YWHAE: variants seen among roughly 807,000 people sequenced by gnomAD.
The protein encoded by YWHAE is 14-3-3 protein epsilon.
In YWHAE, 4 loss-of-function variants were observed where a neutral mutation model predicts 30.1. The observed-to-expected ratio is 0.13, with a 90% CI of 0.07 to 0.30. The LOEUF (loss-of-function observed/expected upper bound fraction) is 0.30. YWHAE is among the 10% of genes least tolerant of loss of function. The pLI is 1.00. For synonymous variants in YWHAE, 118 were observed against 111.8 expected (o/e 1.06, Z -0.35); for missense variants, 121 against 315.9 (o/e 0.38, Z 4.68).
chr17:1,355,991 AC>A (rs2072734132), intron 4 of YWHAE, among the ~76,000 whole-genome samples: 1 of 152,132 alleles, frequency 6.6e-6, no homozygotes, highest in African/African-American at 2.4e-5. Context: ...ACACAGTGAA[AC>A]CCCGTCTCTA....
intron 4 of YWHAE, among the ~76,000 whole-genome samples, chr17:1,355,656 T>A (rs1224182130): frequency 1.3e-5 from 2 of 151,974 alleles, no homozygotes; most frequent in East Asian, 3.9e-4. Flanking sequence ...CGATACGATA[T>A]ACCAATAGAA....
intron 1 of YWHAE, among the ~76,000 whole-genome samples, chr17:1,380,111 C>CTTT (rs34413137): frequency 3.3e-5 from 4 of 121,890 alleles, no homozygotes; most frequent in Admixed American, 8.7e-5. Context: ...GAAGACTAGA[C>CTTT]TTTTTTTTTT....
Position 1,385,788 on chromosome 17 carries a change from C to T in YWHAE, c.64+14259G>A, listed in dbSNP as rs141031347. On this transcript the variant is annotated intron_variant, in intron 1 of 5. Coordinates refer to ENST00000264335, the MANE Select transcript of YWHAE (RefSeq NM_006761.5). The stretch of plus-strand genomic sequence containing the variant: ...TCTTCTTCATACATTAAAGACAACA[C>T]TATTCAGAGAGAAGCTGAGCCAAAA... 2.1e-3 allele frequency among the ~76,000 whole-genome samples: 323 copies of T among 152,224 alleles called. 1 individual carries two copies. The highest frequency in any genetic ancestry group is 7.3e-3 in the African/African-American group (305 of 41,532).
At chr17:1,364,389 G>C (rs1338356108) in intron 2 of YWHAE, among the ~76,000 whole-genome samples, 1 of 152,046 alleles carries the variant, frequency 6.6e-6, no homozygotes, top group Admixed American at 6.6e-5. Flanking sequence ...ACCACGCCCA[G>C]CTAATGTTTT....
At chr17:1,345,643 C>T in intron 5 of YWHAE, 144 bp from the exon 6 acceptor site, 2 of 777,594 alleles carry the variant, frequency 2.6e-6, no homozygotes, top group Non-Finnish European at 4.2e-6. Flanking sequence ...TTCTATCATC[C>T]TTGACACCTG....
chr17:1,355,214 T>C (rs1467360441), intron 4 of YWHAE, among the ~76,000 whole-genome samples: 2 of 117,298 alleles, frequency 1.7e-5, no homozygotes, highest in African/African-American at 6.7e-5. Context: ...TGGAGTGCAG[T>C]GGCGGGATGT....
chr17:1,370,167 A>ATGG (rs1555642577), intron 1 of YWHAE, among the ~76,000 whole-genome samples: 3 of 119,926 alleles, frequency 2.5e-5, no homozygotes, highest in Non-Finnish European at 4.7e-5. Context: ...TCGCTCTGTC[A>ATGG]CCAGGCTGGA....
At chr17:1,375,120 A>C (rs1027449322) in intron 1 of YWHAE, among the ~76,000 whole-genome samples, 1 of 152,144 alleles carries the variant, frequency 6.6e-6, no homozygotes, top group Non-Finnish European at 1.5e-5. Flanking sequence ...TCAACTTCTC[A>C]ATCTCTCCAA....
chr17:1,347,409 G>A (rs1021649586), intron 5 of YWHAE, among the ~76,000 whole-genome samples: 1 of 151,696 alleles, frequency 6.6e-6, no homozygotes, highest in African/African-American at 2.4e-5. Flanking sequence ...CTGAGGTGGG[G>A]GAGTTCTATT....
At chr17:1,368,609 CATT>C (rs1263371111) in intron 1 of YWHAE, among the ~76,000 whole-genome samples, 1 of 151,420 alleles carries the variant, frequency 6.6e-6, no homozygotes, top group Non-Finnish European at 1.5e-5. Context: ...TAAGACCACT[CATT>C]AATTCATTTG....
chr17:1,386,468 G>A (rs1380111251), intron 1 of YWHAE, among the ~76,000 whole-genome samples: 2 of 152,226 alleles, frequency 1.3e-5, no homozygotes, highest in Non-Finnish European at 2.9e-5. Context: ...AGTGTCTAAA[G>A]TGTCTAGAAC....
At position 1,361,042 on chromosome 17, in the gene YWHAE, G is replaced by A. The variant is rs149280403; in HGVS notation, c.578+50C>T. The A allele has an allele frequency of 9.0e-4, 1,390 of 1,538,348 alleles. 12 individuals carry two copies. In the African/African-American group the frequency reaches 0.016, roughly 18 times the overall value. ...AAACAACACGGAAAACCCAAACAGC[G>A]CCCCCCTTAACTTTCACGCTGAGCG... On this transcript the variant is annotated intron_variant, in intron 4 of 5. Coordinates refer to ENST00000264335, the MANE Select transcript of YWHAE (RefSeq NM_006761.5).
At chr17:1,371,321 G>A (rs957506983) in intron 1 of YWHAE, among the ~76,000 whole-genome samples, 1 of 152,062 alleles carries the variant, frequency 6.6e-6, no homozygotes, top group Non-Finnish European at 1.5e-5. Flanking sequence ...TTGTGCTCAT[G>A]TGACCCACCC....
intron 5 of YWHAE, among the ~76,000 whole-genome samples, chr17:1,349,860 C>A (rs1363816746): frequency 6.6e-6 from 1 of 152,068 alleles, no homozygotes; most frequent in Non-Finnish European, 1.5e-5. Flanking sequence ...GTGATCCGCC[C>A]GCCTCAGCCT....
chr17:1,347,267 A>G (rs1272401847), intron 5 of YWHAE, among the ~76,000 whole-genome samples: 9 of 150,806 alleles, frequency 6.0e-5, no homozygotes, highest in African/African-American at 2.2e-4. Flanking sequence ...CAGGAGGCGG[A>G]GCTTTCAGTG....
intron 1 of YWHAE, among the ~76,000 whole-genome samples, chr17:1,372,091 G>GT (rs756740986): frequency 1.3e-5 from 2 of 152,016 alleles, no homozygotes; most frequent in Non-Finnish European, 2.9e-5. Flanking sequence ...GTCCGCCTCG[G>GT]CCCCCCAAAG....
At chr17:1,398,340 C>CA (rs1361597192) in intron 1 of YWHAE, among the ~76,000 whole-genome samples, 2 of 96,332 alleles carry the variant, frequency 2.1e-5, no homozygotes, top group East Asian at 5.7e-4. Context: ...CTTATCCCCC[C>CA]CCCCAACAGG....
At chr17:1,371,984 G>A (rs553913957) in intron 1 of YWHAE, among the ~76,000 whole-genome samples, 376 of 152,124 alleles carry the variant, frequency 2.5e-3, no homozygotes, top group Non-Finnish European at 4.3e-3. Context: ...GATTACAGGC[G>A]TCTGCCACCA....
intron 1 of YWHAE, among the ~76,000 whole-genome samples, chr17:1,370,200 C>T (rs1367989914): frequency 7.0e-6 from 1 of 142,940 alleles, no homozygotes; most frequent in Non-Finnish European, 1.5e-5. Flanking sequence ...GATCTCGGCT[C>T]ACTGCAAGCT....
Sources: allele counts gnomAD v4.1 joint callset (sites outside exome capture counted in the v4.1 genomes callset), GRCh38; gene constraint gnomAD v4.1.1; transcripts MANE v1.5; gene names NCBI Gene and HGNC (gene_info 2026-07-23, HGNC 2026-07-21).